EYA4: variants seen among roughly 807,000 people sequenced by gnomAD.
EYA4 encodes EYA transcriptional coactivator and phosphatase 4.
In EYA4, 31 loss-of-function variants were observed where a neutral mutation model predicts 87.9. The ratio of observed to expected loss-of-function variants is 0.35; its 90% CI spans 0.27 to 0.48. EYA4 has a LOEUF of 0.48. EYA4 is among the 20% of genes least tolerant of loss of function. The probability of loss-of-function intolerance (pLI) is 0.99; values close to 1 mark genes in which losing one functional copy is unlikely to be tolerated. For synonymous variants in EYA4, 263 were observed against 270.6 expected, an observed-to-expected ratio of 0.97 and a Z score of 0.28; for missense variants, 678 against 761.4, an observed-to-expected ratio of 0.89 and a Z score of 1.29.
intron 3 of EYA4, among the ~76,000 whole-genome samples, chr6:133,437,271 A>C (rs1029032581): frequency 6.6e-6 from 1 of 152,148 alleles, no homozygotes; most frequent in African/African-American, 2.4e-5. Flanking sequence ...TAACCTGAAA[A>C]CTATTCAAAA....
Position 133,531,144 on chromosome 6 carries a change from G to A in EYA4, c.*2339G>A. 6.5e-7 allele frequency: 1 copy of A among 1,530,802 alleles called. No homozygotes were observed. 94.8% of individuals were successfully genotyped at this position (1,530,802 alleles called of 1,614,324 possible). ...ACACCCCTTGGAAGGGCAAAGAGAA[G>A]CCGGCTGGTTGCATCACCCCGTGCA... On this transcript the variant is annotated 3_prime_UTR_variant, in exon 20 of 20. Transcript: ENST00000355286.
chr6:133,385,358 TCTC>T (rs1321810290), intron 3 of EYA4, among the ~76,000 whole-genome samples: 6 of 145,956 alleles, frequency 4.1e-5, no homozygotes, highest in Non-Finnish European at 7.6e-5. Context: ...ATATATTTTT[TCTC>T]TCTCCTCTGT....
At chr6:133,380,577 T>G (rs2128477452) in intron 2 of EYA4, among the ~76,000 whole-genome samples, 1 of 152,276 alleles carries the variant, frequency 6.6e-6, no homozygotes, top group East Asian at 1.9e-4. Flanking sequence ...TTGAGGAAAG[T>G]GACATTCACC....
rs556629383 is a variant in EYA4 at position 133,327,507 on chromosome 6, A to C, written c.33+52694A>C. On this transcript the variant is annotated intron_variant, in intron 2 of 19. Transcript: ENST00000355286. ...AAATAAATTAAAGCCATATAAAAGG[A>C]CCAGTAGGGCCTCAAATTGGTCATG... is the stretch of plus-strand genomic sequence containing the variant. 3.3e-5 allele frequency among the ~76,000 whole-genome samples: 5 copies of C among 152,288 alleles called. No individual in the cohort carries two copies. In the South Asian group the frequency reaches 1.0e-3, roughly 32 times the overall value.
intron 11 of EYA4, among the ~76,000 whole-genome samples, chr6:133,473,599 T>C (rs1033669669): frequency 2.6e-5 from 4 of 152,076 alleles, no homozygotes; most frequent in Non-Finnish European, 4.4e-5. Flanking sequence ...GAAATAATTA[T>C]CTAGTAGATA....
At chr6:133,446,514 G>A (rs1054729368) in intron 3 of EYA4, 116 bp from the exon 4 acceptor site, 2 of 1,159,838 alleles carry the variant, frequency 1.7e-6, no homozygotes, top group South Asian at 1.3e-5. Context: ...CTAAGTCTTA[G>A]ATACTGGTTT....
intron 3 of EYA4, among the ~76,000 whole-genome samples, chr6:133,389,444 T>C (rs1465458745): frequency 6.6e-6 from 1 of 152,224 alleles, no homozygotes; most frequent in Non-Finnish European, 1.5e-5. Context: ...AGAGTTCATA[T>C]CTGCCTTTGT....
At chr6:133,447,710 T>G (rs1300481028) in intron 4 of EYA4, among the ~76,000 whole-genome samples, 3 of 152,216 alleles carry the variant, frequency 2.0e-5, no homozygotes, top group Non-Finnish European at 2.9e-5. Flanking sequence ...TTAATAATGT[T>G]TTACACCAGT....
At position 133,359,017 on chromosome 6, in the gene EYA4, T is replaced by A. The variant is rs1324418031; in HGVS notation, c.34-23375T>A. On this transcript the variant is annotated intron_variant, in intron 2 of 19. Coordinates refer to ENST00000355286, the MANE Select transcript of EYA4 (RefSeq NM_004100.5). ...GTACTGGAAACGAGGAAAAGAGGCC[T>A]CGTAAGAAAAAAAAGGCCCTTTTTG... 2.6e-5 allele frequency among the ~76,000 whole-genome samples: 4 copies of A among 151,822 alleles called. No individual in the cohort carries two copies. The East Asian group carries it at 7.7e-4, about 29-fold the overall frequency.
intron 2 of EYA4, among the ~76,000 whole-genome samples, chr6:133,290,895 T>G (rs571907575): frequency 4.6e-5 from 7 of 152,306 alleles, no homozygotes; most frequent in African/African-American, 1.7e-4. Context: ...GAAATTAACA[T>G]CAGCCCCAGC....
Position 133,364,626 on chromosome 6 carries a change from C to T in EYA4, c.34-17766C>T, listed in dbSNP as rs76555778. Among the ~76,000 whole-genome samples, 7 of 152,214 alleles carry T rather than the reference C, an allele frequency of 4.6e-5. No homozygotes were observed. The East Asian group carries it at 1.2e-3, about 25-fold the overall frequency. On this transcript the variant is annotated intron_variant, in intron 2 of 19. Transcript: ENST00000355286. ...TGCATTTGACTCCTCTTGAAACTGG[C>T]GGTGGTGCCTCACTGCTGTTGACAC...
At position 133,282,568 on chromosome 6, in the gene EYA4, T is replaced by C. The variant is rs144706195; in HGVS notation, c.33+7755T>C. ...AAATTTTTTCTCAAATCTTAGAATATATATGACACATATGTGTGTGTATAT... is the reference window on the plus strand; with the variant it reads ...AAATTTTTTCTCAAATCTTAGAATACATATGACACATATGTGTGTGTATAT... On this transcript the variant is annotated intron_variant, in intron 2 of 19. Transcript: ENST00000355286. 1.7e-4 allele frequency among the ~76,000 whole-genome samples: 25 copies of C among 144,770 alleles called. No individual in the cohort carries two copies. The East Asian group carries it at 5.1e-3, about 29-fold the overall frequency. The allele number at this position is 144,770 out of a possible 152,430, so 95.0% of individuals were successfully genotyped here.
chr6:133,253,230 A>C (rs1775065813), intron 1 of EYA4, among the ~76,000 whole-genome samples: 1 of 152,050 alleles, frequency 6.6e-6, no homozygotes, highest in Non-Finnish European at 1.5e-5. Context: ...CAGGGGTTTA[A>C]ATCACAGATA....
intron 2 of EYA4, among the ~76,000 whole-genome samples, chr6:133,377,695 T>C (rs1481491010): frequency 6.6e-6 from 1 of 151,502 alleles, no homozygotes; most frequent in Non-Finnish European, 1.5e-5. Context: ...TAGTGCTTGG[T>C]AAAAACTGGT....
intron 2 of EYA4, among the ~76,000 whole-genome samples, chr6:133,330,236 G>A (rs1289687086): frequency 2.6e-5 from 4 of 151,988 alleles, no homozygotes; most frequent in Admixed American, 2.0e-4. Flanking sequence ...CATACATTGG[G>A]TAGAAGACAA....
rs191427573 is a variant in EYA4, at chr6:133,392,207, G to A, written c.83+9766G>A. Among the ~76,000 whole-genome samples the A allele has an allele frequency of 2.1e-3, 315 of 152,054 alleles. 3 individuals are homozygous for A. The highest frequency in any genetic ancestry group is 5.4e-3 in the African/African-American group (222 of 41,464). ...ATTCAAGGGACCCAGTCTTCTCTTC[G>A]GCTCTCAAATACCAATTCAAATGCA... On this transcript the variant is annotated intron_variant, in intron 3 of 19. Coordinates refer to ENST00000355286, the MANE Select transcript of EYA4 (RefSeq NM_004100.5).
chr6:133,390,275 G>T (rs1239916230), intron 3 of EYA4, among the ~76,000 whole-genome samples: 1 of 151,882 alleles, frequency 6.6e-6, no homozygotes, highest in African/African-American at 2.4e-5. Context: ...ACTGGAGTGC[G>T]GTGGCAGAAT....
Position 133,464,957 on chromosome 6 carries a change from G to C in EYA4, c.804+99G>C, listed in dbSNP as rs553817141. ...TATGTGCATACTCTCCCAGAATAAGGTTTCTTTATTTAAAAATTATGATAG... is the reference window on the plus strand; with the variant it reads ...TATGTGCATACTCTCCCAGAATAAGCTTTCTTTATTTAAAAATTATGATAG... On this transcript the variant is annotated intron_variant, in intron 10 of 19. Transcript: ENST00000355286. 1.1e-4 allele frequency: 80 copies of C among 740,004 alleles called. No homozygotes were observed. In the South Asian group the frequency reaches 1.3e-3, roughly 12 times the overall value. The allele number at this position is 740,004 out of a possible 1,614,324, so 45.8% of individuals were successfully genotyped here. A position where few individuals can be genotyped will look rare whatever the true frequency, so the allele number is the denominator to read the frequency against.
chr6:133,271,267 A>G (rs1042967109), intron 1 of EYA4, among the ~76,000 whole-genome samples: 14 of 152,158 alleles, frequency 9.2e-5, no homozygotes, highest in Non-Finnish European at 1.9e-4. Context: ...TGTGACTTCA[A>G]AAGGCCATTC....
Sources: gnomAD v4.1 joint callset for allele counts (sites outside exome capture counted in the v4.1 genomes callset) on GRCh38, gnomAD v4.1.1 for gene constraint, MANE v1.5 for transcripts, NCBI Gene and HGNC (gene_info 2026-07-23, HGNC 2026-07-21) for gene names.